Variants in FLRT1 observed in about 807,000 individuals in gnomAD.
FLRT1 encodes fibronectin leucine rich transmembrane protein 1, also known as leucine-rich repeat transmembrane protein FLRT1.
Under a neutral mutation model 30.9 loss-of-function variants are expected in FLRT1, and 14 were observed. The ratio of observed to expected loss-of-function variants is 0.45; its 90% CI spans 0.30 to 0.71. The LOEUF (loss-of-function observed/expected upper bound fraction) is 0.71. FLRT1 is among the 30% of genes least tolerant of loss of function. FLRT1 has a pLI of 0.08. For missense variants in FLRT1, 737 were observed against 949.2 expected (o/e 0.78, Z 2.94); for synonymous variants, 368 against 430.4 (o/e 0.85, Z 1.80).
intron 1 of FLRT1, among the ~76,000 whole-genome samples, chr11:64,061,097 C>T (rs1268904810): frequency 6.6e-6 from 1 of 152,278 alleles, no homozygotes; most frequent in Admixed American, 6.5e-5. Flanking sequence ...GAGAGCCTCG[C>T]GCTGGAAGGA....
At chr11:64,076,216 T>G (rs1347033425) in intron 1 of FLRT1, among the ~76,000 whole-genome samples, 1 of 152,174 alleles carries the variant, frequency 6.6e-6, no homozygotes, top group African/African-American at 2.4e-5. Context: ...CATCTCACCA[T>G]GCAGGGTCCT....
chr11:64,108,314 A>AC (rs1416681335), intron 2 of FLRT1, among the ~76,000 whole-genome samples: 2 of 132,298 alleles, frequency 1.5e-5, no homozygotes, highest in East Asian at 4.2e-4. Context: ...ACTCTGTCTC[A>AC]AAAAAAAAAA....
At chr11:64,048,507 A>C (rs1943628770) in intron 1 of FLRT1, among the ~76,000 whole-genome samples, 1 of 152,122 alleles carries the variant, frequency 6.6e-6, no homozygotes, top group South Asian at 2.1e-4. Context: ...AGATCCAGCC[A>C]TGGAGGAGGC....
At position 64,118,396 on chromosome 11, in the gene FLRT1, C is replaced by T; in HGVS notation, c.*104C>T. On this transcript the variant is annotated 3_prime_UTR_variant, in exon 3 of 3. Coordinates refer to ENST00000682287, the MANE Select transcript of FLRT1 (RefSeq NM_013280.5). The stretch of plus-strand genomic sequence containing the variant: ...TCCAAGAGAGCAAGGAAGAGAAATT[C>T]CATGGGTGACTTTCCTCCGCAGAAA... 1 of 1,344,206 alleles carries T rather than the reference C, an allele frequency of 7.4e-7. No individual in the cohort carries two copies. The allele number at this position is 1,344,206 out of a possible 1,614,324, so 83.3% of individuals were successfully genotyped here. A position where few individuals can be genotyped will look rare whatever the true frequency, so the allele number is the denominator to read the frequency against.
intron 1 of FLRT1, among the ~76,000 whole-genome samples, chr11:64,089,710 T>C (rs1023047231): frequency 6.6e-6 from 1 of 152,100 alleles, no homozygotes; most frequent in Admixed American, 6.5e-5. Context: ...GTGGGGCTCT[T>C]GAGGGAGGGT....
At chr11:64,043,294 CAG>C (rs1324453910) in intron 1 of FLRT1, among the ~76,000 whole-genome samples, 1 of 152,136 alleles carries the variant, frequency 6.6e-6, no homozygotes, top group Admixed American at 6.5e-5. Context: ...CTGAGGAGCT[CAG>C]GGGCTGGAGA....
At chr11:64,092,468 T>A (rs1346537427) in intron 1 of FLRT1, among the ~76,000 whole-genome samples, 1 of 151,594 alleles carries the variant, frequency 6.6e-6, no homozygotes, top group African/African-American at 2.4e-5. Context: ...GCTGGAGAGG[T>A]TGAGGTTGGG....
rs769906902 is a variant in FLRT1, at chr11:64,117,917, C to T, written c.1650C>T (p.Ser550=). 1.1e-5 allele frequency: 17 copies of T among 1,613,852 alleles called. No homozygotes were observed. In the South Asian group the frequency reaches 1.8e-4, roughly 17 times the overall value. The change falls in exon 3 of 3, where the codon AGC becomes AGT. Residue 550 remains serine (S), a synonymous_variant. Transcript: ENST00000682287. ...AGCAGAACGCTGGCCCCATGGCGAG[C>T]CTGCCCCTGGCGGGCATCATCGGCG... ...NQEQNAGPMA[S]LPLAGIIGGA... is the part of the protein sequence containing the mutation.
chr11:64,114,697 G>A (rs1389017951), intron 2 of FLRT1, among the ~76,000 whole-genome samples: 1 of 151,926 alleles, frequency 6.6e-6, no homozygotes, highest in Non-Finnish European at 1.5e-5. Context: ...GTAGATGCAT[G>A]GACTGATACA....
chr11:64,049,363 T>A (rs1943647137), intron 1 of FLRT1, among the ~76,000 whole-genome samples: 1 of 152,200 alleles, frequency 6.6e-6, no homozygotes. Flanking sequence ...TTCACAGCGG[T>A]GCCCACGGCC....
At chr11:64,053,276 G>A (rs960265317) in intron 1 of FLRT1, among the ~76,000 whole-genome samples, 2 of 152,202 alleles carry the variant, frequency 1.3e-5, no homozygotes, top group African/African-American at 4.8e-5. Flanking sequence ...CTCGTTAGGA[G>A]GTAGTTTTCC....
At chr11:64,104,893 G>C (rs1211242686) in intron 2 of FLRT1, among the ~76,000 whole-genome samples, 3 of 152,190 alleles carry the variant, frequency 2.0e-5, no homozygotes, top group African/African-American at 7.2e-5. Flanking sequence ...GCCAGAGGGA[G>C]AGGCTGCACC....
chr11:64,117,717 T>C lies in FLRT1; in HGVS notation c.1450T>C (p.Leu484=). The part of the protein sequence containing the change: ...SPAVGSITET[L]VQGDKTEYLL... ...AGCCGTGGGCTCCATCACGGAGACC[T>C]TGGTGCAGGGGGACAAGACAGAGTA... Residue 484 remains leucine, a synonymous_variant, in exon 3 of 3, where the codon TTG becomes CTG. Transcript: ENST00000682287. 6.2e-7 allele frequency: 1 copy of C among 1,613,700 alleles called. No individual in the cohort carries two copies. Among genetic ancestry groups the C allele is most frequent in the East Asian group, 2.2e-5 (1 of 44,884 alleles).
intron 2 of FLRT1, among the ~76,000 whole-genome samples, chr11:64,106,798 T>C (rs1944770056): frequency 6.6e-6 from 1 of 152,258 alleles, no homozygotes; most frequent in African/African-American, 2.4e-5. Flanking sequence ...GTGCTGCCTC[T>C]CTTCCTTTTC....
intron 1 of FLRT1, among the ~76,000 whole-genome samples, chr11:64,039,950 A>G (rs985143407): frequency 1.3e-5 from 2 of 152,218 alleles, no homozygotes; most frequent in African/African-American, 4.8e-5. Flanking sequence ...GGGCTGGCCC[A>G]CCAGTGCTCC....
chr11:64,086,307 C>T (rs1029216773), intron 1 of FLRT1, among the ~76,000 whole-genome samples: 4 of 152,108 alleles, frequency 2.6e-5, no homozygotes, highest in East Asian at 3.9e-4. Context: ...AAGTGCATAC[C>T]GGCACCTGCA....
chr11:64,086,890 G>T (rs372869628), intron 1 of FLRT1: 1 of 152,192 alleles, frequency 6.6e-6, no homozygotes, highest in Non-Finnish European at 1.5e-5. Flanking sequence ...CAGGCAGCCC[G>T]CTAGCCCTTC....
At chr11:64,049,435 G>A (rs146667394) in intron 1 of FLRT1, among the ~76,000 whole-genome samples, 1 of 152,304 alleles carries the variant, frequency 6.6e-6, no homozygotes, top group Non-Finnish European at 1.5e-5. Context: ...GCCCAGTTCT[G>A]AGCATTACCC....
chr11:64,065,778 C>T (rs1158275388), intron 1 of FLRT1, among the ~76,000 whole-genome samples: 2 of 132,060 alleles, frequency 1.5e-5, no homozygotes, highest in Admixed American at 7.8e-5. Flanking sequence ...CGACAGAGCA[C>T]GACTCCGCCT....
Sources: allele counts gnomAD v4.1 joint callset (sites outside exome capture counted in the v4.1 genomes callset), GRCh38; gene constraint gnomAD v4.1.1; transcripts MANE v1.5; gene names NCBI Gene and HGNC (gene_info 2026-07-23, HGNC 2026-07-21).